GRM1: variants seen among roughly 807,000 people sequenced by gnomAD.
GRM1 encodes the protein glutamate metabotropic receptor 1.
GRM1 carries 33 observed loss-of-function variants against 90.9 expected under a neutral mutation model. The observed-to-expected ratio is 0.36, with a 90% CI of 0.28 to 0.49. The LOEUF (loss-of-function observed/expected upper bound fraction) is 0.49, where lower values mean the gene tolerates loss of function less well. GRM1 is among the 20% of genes least tolerant of loss of function. GRM1 has a pLI of 0.99. For synonymous variants in GRM1, 700 were observed against 613.2 expected (o/e 1.14, Z -2.09); for missense variants, 1,190 against 1,534.3 (o/e 0.78, Z 3.75).
intron 1 of GRM1, among the ~76,000 whole-genome samples, chr6:146,147,626 A>G (rs572759005): frequency 7.9e-5 from 12 of 152,296 alleles, no homozygotes; most frequent in Admixed American, 2.6e-4. Flanking sequence ...TTTCCTATTA[A>G]AAATAATTAT....
chr6:146,104,982 A>T (rs1269570408), intron 1 of GRM1, among the ~76,000 whole-genome samples: 3 of 152,100 alleles, frequency 2.0e-5, no homozygotes, highest in Admixed American at 6.6e-5. Flanking sequence ...GCATGAGGGG[A>T]TCTGCTGTGT....
At chr6:146,070,352 G>C (rs1237644587) in intron 1 of GRM1, among the ~76,000 whole-genome samples, 2 of 152,076 alleles carry the variant, frequency 1.3e-5, no homozygotes, top group African/African-American at 4.8e-5. Context: ...TGATTTTATT[G>C]AATACTTAGG....
chr6:146,383,788 A>C (rs1583420338), intron 5 of GRM1, among the ~76,000 whole-genome samples: 1 of 152,164 alleles, frequency 6.6e-6, no homozygotes, highest in African/African-American at 2.4e-5. Flanking sequence ...CTGATTTTAC[A>C]TATAGGAATA....
chr6:146,047,471 T>C (rs1434410598), intron 1 of GRM1, among the ~76,000 whole-genome samples: 1 of 151,814 alleles, frequency 6.6e-6, no homozygotes, highest in African/African-American at 2.4e-5. Flanking sequence ...CAGCTAGAGT[T>C]GCAGCCTCTG....
At chr6:146,321,945 G>A (rs1437418640) in intron 3 of GRM1, among the ~76,000 whole-genome samples, 56 of 152,028 alleles carry the variant, frequency 3.7e-4, no homozygotes, top group Admixed American at 3.7e-3. Flanking sequence ...CTTTTAATTG[G>A]AACATTTTTG....
chr6:146,314,171 A>G (rs1783878017), intron 3 of GRM1, among the ~76,000 whole-genome samples: 1 of 138,374 alleles, frequency 7.2e-6, no homozygotes, highest in Admixed American at 8.1e-5. Context: ...GGTTCAAGCG[A>G]TTCTCCTGCC....
intron 2 of GRM1, among the ~76,000 whole-genome samples, chr6:146,200,695 A>AT (rs919611988): frequency 1.7e-4 from 26 of 152,216 alleles, no homozygotes; most frequent in Non-Finnish European, 3.2e-4. Context: ...ATGCAAAATA[A>AT]TTTTTTGGTG....
chr6:146,232,851 A>G (rs530904044), intron 2 of GRM1, among the ~76,000 whole-genome samples: 11 of 152,208 alleles, frequency 7.2e-5, no homozygotes, highest in Admixed American at 2.0e-4. Context: ...AATTCATTCC[A>G]TAACAGTGTC....
chr6:146,074,292 G>T (rs147684804), intron 1 of GRM1, among the ~76,000 whole-genome samples: 296 of 152,220 alleles, frequency 1.9e-3, no homozygotes, highest in African/African-American at 6.0e-3. Flanking sequence ...GTACATTTCT[G>T]TGATTTTGCC....
intron 2 of GRM1, among the ~76,000 whole-genome samples, chr6:146,243,619 T>A (rs1408868628): frequency 6.6e-6 from 1 of 151,922 alleles, no homozygotes; most frequent in Non-Finnish European, 1.5e-5. Flanking sequence ...GGTAATAAAA[T>A]ATCACAAGGC....
At chr6:146,258,233 A>G (rs1450641676) in intron 2 of GRM1, among the ~76,000 whole-genome samples, 1 of 152,156 alleles carries the variant, frequency 6.6e-6, no homozygotes, top group African/African-American at 2.4e-5. Flanking sequence ...TGAGCTCCTA[A>G]GCACTTTAAA....
intron 1 of GRM1, among the ~76,000 whole-genome samples, chr6:146,081,729 A>T (rs1287404848): frequency 6.6e-6 from 1 of 152,146 alleles, no homozygotes; most frequent in Non-Finnish European, 1.5e-5. Flanking sequence ...TAAGCAGTGT[A>T]TAATAGGTGT....
At chr6:146,245,989 T>C (rs879442000) in intron 2 of GRM1, among the ~76,000 whole-genome samples, 1 of 152,212 alleles carries the variant, frequency 6.6e-6, no homozygotes, top group Non-Finnish European at 1.5e-5. Context: ...GTTAAAAATA[T>C]GTAGCTTCTG....
rs1783198885 is a variant in GRM1 at position 146,296,960 on chromosome 6, C to T, written c.951-7651C>T. Among the ~76,000 whole-genome samples, 4 of 152,162 alleles carry T rather than the reference C, an allele frequency of 2.6e-5. No individual in the cohort carries two copies. In the South Asian group the frequency reaches 8.3e-4, roughly 32 times the overall value. On this transcript the variant is annotated intron_variant, in intron 2 of 7. Transcript: ENST00000282753. The stretch of plus-strand genomic sequence containing the variant: ...CACATCACCAGATGGGTGTTAGAAT[C>T]GATTTCCAGTCTCCAGGGCCTTACA...
chr6:146,083,758 AG>A (rs1449111963), intron 1 of GRM1, among the ~76,000 whole-genome samples: 1 of 152,208 alleles, frequency 6.6e-6, no homozygotes, highest in Admixed American at 6.5e-5. Context: ...AAAATGAGTT[AG>A]GGAGGAGTCC....
At chr6:146,333,693 A>G (rs1784663976) in intron 3 of GRM1, among the ~76,000 whole-genome samples, 1 of 152,176 alleles carries the variant, frequency 6.6e-6, no homozygotes, top group African/African-American at 2.4e-5. Context: ...AGTAGCCTAT[A>G]GATGGCCTTT....
chr6:146,065,796 G>T (rs9390377), intron 1 of GRM1, among the ~76,000 whole-genome samples: 1 of 151,954 alleles, frequency 6.6e-6, no homozygotes. Context: ...ATGGGGAAAT[G>T]TTGAAGGAAT....
At chr6:146,088,994 A>G (rs1372554502) in intron 1 of GRM1, among the ~76,000 whole-genome samples, 1 of 152,040 alleles carries the variant, frequency 6.6e-6, no homozygotes, top group Non-Finnish European at 1.5e-5. Context: ...TTGATGTCCC[A>G]CCTTTGTGTA....
chr6:146,430,352 GT>G (rs905163265), intron 7 of GRM1, among the ~76,000 whole-genome samples: 2 of 152,148 alleles, frequency 1.3e-5, no homozygotes, highest in Non-Finnish European at 2.9e-5. Flanking sequence ...GCCTAACAGT[GT>G]TTTCCTCCAA....
Sources: allele counts gnomAD v4.1 joint callset (sites outside exome capture counted in the v4.1 genomes callset), GRCh38; gene constraint gnomAD v4.1.1; transcripts MANE v1.5; gene names NCBI Gene and HGNC (gene_info 2026-07-23, HGNC 2026-07-21).